Variants in ALG13 observed in about 807,000 individuals in gnomAD.
The protein encoded by ALG13 is ALG13 UDP-N-acetylglucosaminyltransferase subunit.
In ALG13, 11 loss-of-function variants were observed where a neutral mutation model predicts 87.8. That is an observed-to-expected ratio of 0.13 (90% CI 0.08 to 0.21). The LOEUF is 0.21. Among genes scored for constraint, ALG13 ranks in the 10% least tolerant of loss-of-function variants. The probability of loss-of-function intolerance (pLI) is 1.00; values close to 1 mark genes in which losing one functional copy is unlikely to be tolerated. For missense variants in ALG13, 756 were observed against 866.1 expected (o/e 0.87, Z 1.60); for synonymous variants, 320 against 306.3 (o/e 1.04, Z -0.47).
intron 26 of ALG13, 118 bp downstream of exon 26, chrX:111,757,880 A>C: frequency 1.4e-6 from 1 of 702,808 alleles, no homozygotes; most frequent in Non-Finnish European, 2.1e-6. Context: ...TTCTCAAAGC[A>C]TGATATGTGG....
At chrX:111,697,824 G>A (rs1434443303) in intron 3 of ALG13, among the ~76,000 whole-genome samples, 1 of 111,551 alleles carries the variant, frequency 9.0e-6, no homozygotes, top group Non-Finnish European at 1.9e-5. Flanking sequence ...TTTAGTTTCA[G>A]TACTGTTACT....
At chrX:111,720,897 A>G (rs1371897002) in intron 11 of ALG13, among the ~76,000 whole-genome samples, 1 of 109,686 alleles carries the variant, frequency 9.1e-6, no homozygotes, top group Non-Finnish European at 1.9e-5. Flanking sequence ...TTTATATGGG[A>G]TGTGTCCTGA....
intron 7 of ALG13, 125 bp from the exon 8 acceptor site, chrX:111,713,100 C>T (rs891168993): frequency 6.8e-6 from 3 of 441,118 alleles, no homozygotes; most frequent in South Asian, 4.2e-5. Context: ...AACATTAAAC[C>T]GGATATTTAT....
chrX:111,720,988 C>G (rs970228206), intron 11 of ALG13, among the ~76,000 whole-genome samples: 8 of 107,158 alleles, frequency 7.5e-5, no homozygotes, highest in African/African-American at 2.4e-4. Context: ...CTTTAGTCTC[C>G]TGATTTTTAA....
intron 11 of ALG13, among the ~76,000 whole-genome samples, chrX:111,720,771 C>A (rs981253969): frequency 9.0e-6 from 1 of 111,162 alleles, no homozygotes; most frequent in Non-Finnish European, 1.9e-5. Context: ...AATGAAGTAA[C>A]CTTCAGATAT....
At chrX:111,733,709 T>A (rs751545014) in intron 21 of ALG13, among the ~76,000 whole-genome samples, 1 of 111,314 alleles carries the variant, frequency 9.0e-6, no homozygotes, top group South Asian at 3.8e-4. Flanking sequence ...CTTTAAGGAA[T>A]CTCCACACTG....
At chrX:111,700,858 T>C (rs908580405) in intron 3 of ALG13, among the ~76,000 whole-genome samples, 2 of 108,278 alleles carry the variant, frequency 1.8e-5, no homozygotes, top group African/African-American at 6.8e-5. Flanking sequence ...CCCAAAGTGC[T>C]GGGATTACAG....
chrX:111,758,142 C>A (rs1344137859), intron 26 of ALG13, among the ~76,000 whole-genome samples: 1 of 111,717 alleles, frequency 9.0e-6, no homozygotes, highest in Non-Finnish European at 1.9e-5. Flanking sequence ...TTTGTTTAAT[C>A]AAAGACATTT....
chrX:111,699,987 A>T (rs1368501753), intron 3 of ALG13, among the ~76,000 whole-genome samples: 2 of 107,563 alleles, frequency 1.9e-5, no homozygotes, highest in African/African-American at 6.8e-5. Context: ...GGACATTTTC[A>T]CAATATTCTT....
In ALG13 at chrX:111,710,229, C is replaced by G. The variant is rs750219532; in HGVS notation, c.834+1181C>G. The stretch of plus-strand genomic sequence containing the variant: ...TGTGTTTTTAGTAGAGATGGGGTTT[C>G]GCCATGTTGCCCAGACTGGTCTCAG... On this transcript the variant is annotated intron_variant, in intron 5 of 26. Coordinates refer to ENST00000394780, the MANE Select transcript of ALG13 (RefSeq NM_001099922.3). Among the ~76,000 whole-genome samples the G allele has an allele frequency of 5.0e-4, 55 of 110,321 alleles. 1 individual carries two copies. The Middle Eastern group carries it at 0.019, about 37-fold the overall frequency.
intron 1 of ALG13, chrX:111,681,671 C>A (rs1329710724): frequency 1.2e-5 from 11 of 887,806 alleles, no homozygotes; most frequent in Non-Finnish European, 1.5e-5. Flanking sequence ...TTTCCTCAGG[C>A]CCCCCTGTGG....
chrX:111,755,018 C>G (rs1385876001), intron 25 of ALG13, among the ~76,000 whole-genome samples: 1 of 111,908 alleles, frequency 8.9e-6, no homozygotes, highest in Non-Finnish European at 1.9e-5. Flanking sequence ...TGACTTCAAA[C>G]TATTTTACAA....
At position 111,723,649 on chromosome X, in the gene ALG13, T is replaced by C. The variant is rs747664640; in HGVS notation, c.1501-149T>C. 3 of 384,447 alleles carry C rather than the reference T, an allele frequency of 7.8e-6. No homozygotes were observed. The South Asian group carries it at 1.8e-4, about 23-fold the overall frequency. 31.7% of individuals were successfully genotyped at this position (384,447 alleles called of 1,213,427 possible). ...GATTAGATGTAAGGTTCTTTCAGTA[T>C]GTGCTGTCTCCATTGATCCAGACTG... On this transcript the variant is annotated intron_variant, in intron 13 of 26. Transcript: ENST00000394780.
intron 24 of ALG13, among the ~76,000 whole-genome samples, chrX:111,751,652 A>G (rs978959331): frequency 8.9e-6 from 1 of 111,799 alleles, no homozygotes; most frequent in Non-Finnish European, 1.9e-5. Flanking sequence ...CTATTTTTTT[A>G]AAATATTATG....
At chrX:111,689,900 C>G (rs928743383) in intron 3 of ALG13, 24 of 751,936 alleles carry the variant, frequency 3.2e-5, no homozygotes, top group Non-Finnish European at 3.6e-5. Flanking sequence ...GTAGGAATTT[C>G]ACACTTAACT....
chrX:111,684,207 C>T (rs756282552), intron 2 of ALG13, among the ~76,000 whole-genome samples: 71 of 112,252 alleles, frequency 6.3e-4, no homozygotes, highest in African/African-American at 2.2e-3. Flanking sequence ...TGCCCAACCA[C>T]AGGCTAATGT....
intron 3 of ALG13, chrX:111,690,018 ATAAAT>A: frequency 1.3e-6 from 1 of 751,059 alleles, no homozygotes; most frequent in Non-Finnish European, 1.6e-6. Flanking sequence ...AGTAGATTGA[ATAAAT>A]TAAGACTTTA....
intron 5 of ALG13, among the ~76,000 whole-genome samples, chrX:111,709,450 A>G (rs981585514): frequency 6.3e-5 from 7 of 111,874 alleles, no homozygotes; most frequent in Non-Finnish European, 1.3e-4. Context: ...AACCCCCTCT[A>G]TTTTCTTGCT....
chrX:111,722,392 C>T (rs1256488428), intron 12 of ALG13, among the ~76,000 whole-genome samples: 1 of 111,733 alleles, frequency 8.9e-6, no homozygotes, highest in African/African-American at 3.3e-5. Flanking sequence ...ACATTCAACT[C>T]CTTGAACCCT....
Sources: gnomAD v4.1 joint callset for allele counts (sites outside exome capture counted in the v4.1 genomes callset) on GRCh38, gnomAD v4.1.1 for gene constraint, MANE v1.5 for transcripts, NCBI Gene and HGNC (gene_info 2026-07-23, HGNC 2026-07-21) for gene names.